Variants in MOSPD2 observed in about 807,000 individuals in gnomAD.
The protein encoded by MOSPD2 is motile sperm domain containing 2, also known as motile sperm domain-containing protein 2.
A neutral mutation model predicts 41.7 loss-of-function variants in MOSPD2; 5 were observed. The observed-to-expected ratio is 0.12, with a 90% CI of 0.06 to 0.25. The LOEUF is 0.25. Ranked by LOEUF, MOSPD2 falls within the 10% of genes least tolerant of loss-of-function variation. The probability of loss-of-function intolerance (pLI) is 1.00; values close to 1 mark genes in which losing one functional copy is unlikely to be tolerated. For missense variants in MOSPD2, 282 were observed against 375.2 expected (o/e 0.75, Z 2.05); for synonymous variants, 115 against 126.9 (o/e 0.91, Z 0.63).
At position 14,918,685 on chromosome X, in the gene MOSPD2, G is replaced by A; in HGVS notation, c.1322G>A (p.Arg441Lys). 8.6e-7 allele frequency: 1 copy of A among 1,168,814 alleles called. No homozygotes were observed. The highest frequency in any genetic ancestry group is 1.2e-6 in the Non-Finnish European group (1 of 864,850). ...PRNKVMEHRL[R>K]CHTVESSKPN... ...TTTTCTTTGGATTTTAATAGGTTAA[G>A]ATGCCATACTGTTGAAAGCAGTAAA... The change falls in exon 14 of 15, where the codon AGA becomes AAA. Residue 441 changes from arginine to lysine, a missense_variant. Around this residue, in one of 3 missense-constraint regions of MOSPD2, gnomAD observed 94 missense variants for 102.1 expected, o/e 0.92. Coordinates refer to ENST00000380492, the MANE Select transcript of MOSPD2 (RefSeq NM_152581.4).
intron 2 of MOSPD2, among the ~76,000 whole-genome samples, chrX:14,886,098 C>T (rs2092540681): frequency 9.0e-6 from 1 of 111,147 alleles, no homozygotes; most frequent in African/African-American, 3.3e-5. Context: ...CCTCTCATGC[C>T]ATCCCCTATT....
intron 5 of MOSPD2, among the ~76,000 whole-genome samples, chrX:14,897,905 C>T (rs904117364): frequency 1.8e-5 from 2 of 112,219 alleles, no homozygotes; most frequent in South Asian, 7.3e-4. Context: ...GATCACTTGG[C>T]ACATTTATTC....
rs769869793 is a variant in MOSPD2, at chrX:14,921,271, T to G, written c.*1462T>G. The stretch of plus-strand genomic sequence containing the variant: ...ATCTTCAAGAAGTTGATTCCAAAAC[T>G]GAGTTATGAAGAATGATATAACAGT... On this transcript the variant is annotated 3_prime_UTR_variant, in exon 15 of 15. Transcript: ENST00000380492. The G allele has an allele frequency of 4.0e-5, 37 of 928,895 alleles. No homozygotes were observed. The highest frequency in any genetic ancestry group is 9.1e-4 in the Middle Eastern group (2 of 2,206). 76.6% of individuals were successfully genotyped at this position (928,895 alleles called of 1,213,427 possible).
At position 14,920,674 on chromosome X, in the gene MOSPD2, C is replaced by T; in HGVS notation, c.*865C>T. 5 of 753,978 alleles carry T rather than the reference C, an allele frequency of 6.6e-6. No homozygotes were observed. The highest frequency in any genetic ancestry group is 7.8e-6 in the Non-Finnish European group (5 of 639,144). 62.1% of individuals were successfully genotyped at this position (753,978 alleles called of 1,213,427 possible). ...TCCCATCTTCACCCCCATTCCAGAG[C>T]AGAGGAGTCTCTGTGGACCATGAAT... On this transcript the variant is annotated 3_prime_UTR_variant, in exon 15 of 15. Transcript: ENST00000380492.
At chrX:14,877,231 G>A (rs2092522174) in intron 2 of MOSPD2, among the ~76,000 whole-genome samples, 1 of 112,322 alleles carries the variant, frequency 8.9e-6, no homozygotes. Flanking sequence ...GGCTTTACAA[G>A]TATATGAATT....
At chrX:14,913,677 C>T (rs1424842657) in intron 10 of MOSPD2, among the ~76,000 whole-genome samples, 3 of 112,023 alleles carry the variant, frequency 2.7e-5, no homozygotes, top group Non-Finnish European at 5.6e-5. Flanking sequence ...AAGGTACAGA[C>T]ATTCCTGATA....
chrX:14,917,019 G>A (rs985955916), intron 13 of MOSPD2, among the ~76,000 whole-genome samples: 3 of 112,040 alleles, frequency 2.7e-5, no homozygotes, highest in Admixed American at 9.4e-5. Context: ...TCCCCCCAGG[G>A]GACATTTGTC....
intron 2 of MOSPD2, chrX:14,873,999 T>G (rs1358482112): frequency 2.0e-5 from 8 of 404,329 alleles, no homozygotes; most frequent in Non-Finnish European, 3.0e-5. Flanking sequence ...ATCGGTTAAG[T>G]TTTTAGCATG....
chrX:14,881,053 T>C (rs2092530468), intron 2 of MOSPD2, among the ~76,000 whole-genome samples: 1 of 111,077 alleles, frequency 9.0e-6, no homozygotes, highest in South Asian at 3.8e-4. Flanking sequence ...TGTTGTTTTA[T>C]ATATCAGTGT....
chrX:14,873,821 T>C (rs1479467820), intron 2 of MOSPD2, 63 bp downstream of exon 2: 1 of 927,212 alleles, frequency 1.1e-6, no homozygotes, highest in East Asian at 3.1e-5. Flanking sequence ...TTTGCTGGAG[T>C]GTTTGTGAGT....
rs1343018806 is a variant in MOSPD2 at position 14,893,133 on chromosome X, CTG to C, written c.235+259_235+260del. The C allele has an allele frequency of 1.2e-4, 29 of 242,229 alleles. 1 individual carries two copies. Among genetic ancestry groups the C allele is most frequent in the African/African-American group, 6.4e-4 (23 of 35,992 alleles). The allele number at this position is 242,229 out of a possible 1,213,427, so 20.0% of individuals were successfully genotyped here. A position where few individuals can be genotyped will look rare whatever the true frequency, so the allele number is the denominator to read the frequency against. On this transcript the variant is annotated intron_variant, in intron 3 of 14. Transcript: ENST00000380492. ...TTCATTCACAGCAGAGTTTCCTAAT[CTG>C]TGTTTAATTCAGTACCATTAAGCAA...
intron 2 of MOSPD2, among the ~76,000 whole-genome samples, chrX:14,886,833 T>C (rs1157273611): frequency 8.9e-6 from 1 of 112,015 alleles, no homozygotes; most frequent in Non-Finnish European, 1.9e-5. Flanking sequence ...CATTCTGATA[T>C]GTGCTGAAGT....
chrX:14,891,282 A>T (rs2092553140), intron 2 of MOSPD2, among the ~76,000 whole-genome samples: 1 of 111,921 alleles, frequency 8.9e-6, no homozygotes, highest in African/African-American at 3.2e-5. Context: ...AGAGACAAGG[A>T]AGGTTCAGTT....
At chrX:14,917,553 G>A (rs1176234535) in intron 13 of MOSPD2, among the ~76,000 whole-genome samples, 1 of 111,747 alleles carries the variant, frequency 8.9e-6, no homozygotes, top group African/African-American at 3.3e-5. Flanking sequence ...GAAACTAGAC[G>A]GTGGGCAGTG....
chrX:14,889,346 G>A (rs749319490), intron 2 of MOSPD2, among the ~76,000 whole-genome samples: 1 of 112,087 alleles, frequency 8.9e-6, no homozygotes, highest in East Asian at 2.8e-4. Context: ...AGGGCTGTGT[G>A]TGAAAGCAAC....
rs978605659 is a variant in MOSPD2 at position 14,914,397 on chromosome X, A to G, written c.993-106A>G. On this transcript the variant is annotated intron_variant, in intron 10 of 14. Transcript: ENST00000380492. ...GTCTTTTTTGGTGAAATGTCTTTAT[A>G]CAAATGAGCATAAGATATTAACTAA... 1.1e-5 allele frequency: 5 copies of G among 473,557 alleles called. No individual in the cohort carries two copies. In the African/African-American group the frequency reaches 1.3e-4, roughly 12 times the overall value. 39.0% of individuals were successfully genotyped at this position (473,557 alleles called of 1,213,427 possible). A position where few individuals can be genotyped will look rare whatever the true frequency, so the allele number is the denominator to read the frequency against.
chrX:14,905,894 T>C (rs2092581249), intron 7 of MOSPD2, among the ~76,000 whole-genome samples: 1 of 111,780 alleles, frequency 8.9e-6, no homozygotes, highest in South Asian at 3.7e-4. Flanking sequence ...TATATTTTTG[T>C]CGTATTGGTT....
At chrX:14,918,163 A>T (rs1463979828) in intron 13 of MOSPD2, among the ~76,000 whole-genome samples, 1 of 112,086 alleles carries the variant, frequency 8.9e-6, no homozygotes, top group African/African-American at 3.2e-5. Flanking sequence ...ATTAATTTGA[A>T]GTTCTTACGA....
Position 14,893,083 on chromosome X carries a change from A to G in MOSPD2, c.235+205A>G, listed in dbSNP as rs771746706. 140 of 309,665 alleles carry G rather than the reference A, an allele frequency of 4.5e-4. 2 individuals carry two copies. In the South Asian group the frequency reaches 0.013, roughly 29 times the overall value. The allele number at this position is 309,665 out of a possible 1,213,427, so 25.5% of individuals were successfully genotyped here. A position where few individuals can be genotyped will look rare whatever the true frequency, so the allele number is the denominator to read the frequency against. ...TCATTCATAAGGAAATCAGATCACC[A>G]GAGAGCAGAATCACACTCAGATTCT... On this transcript the variant is annotated intron_variant, in intron 3 of 14. Transcript: ENST00000380492.
Sources: gnomAD v4.1 joint callset for allele counts (sites outside exome capture counted in the v4.1 genomes callset) on GRCh38, gnomAD v4.1.1 for gene constraint, gnomAD v4.1.1 regional missense constraint, MANE v1.5 for transcripts, NCBI Gene and HGNC (gene_info 2026-07-23, HGNC 2026-07-21) for gene names.